Variants in FBXL13 observed in about 807,000 individuals in gnomAD.
The protein encoded by FBXL13 is F-box and leucine rich repeat protein 13.
Under a neutral mutation model 83.6 loss-of-function variants are expected in FBXL13, and 67 were observed. The ratio of observed to expected loss-of-function variants is 0.80; its 90% CI spans 0.66 to 0.98. The LOEUF is 0.98. Among genes scored for constraint, FBXL13 ranks in the 50% least tolerant of loss-of-function variants. The pLI is 0.00. For missense variants in FBXL13, 822 were observed against 866.5 expected (o/e 0.95, Z 0.64); for synonymous variants, 272 against 299.5 (o/e 0.91, Z 0.95).
chr7:103,018,136 T>C (rs1192467997), intron 6 of FBXL13, among the ~76,000 whole-genome samples: 5 of 152,164 alleles, frequency 3.3e-5, no homozygotes, highest in Non-Finnish European at 5.9e-5. Flanking sequence ...TTGGCAGAAA[T>C]TCTACAAGCC....
At chr7:102,953,544 G>A (rs1440568583) in intron 8 of FBXL13, among the ~76,000 whole-genome samples, 3 of 152,112 alleles carry the variant, frequency 2.0e-5, no homozygotes, top group South Asian at 2.1e-4. Context: ...AGAAAAAAAA[G>A]GGAGAATGGG....
chr7:103,062,674 C>T (rs1460894207), intron 1 of FBXL13, among the ~76,000 whole-genome samples: 1 of 151,582 alleles, frequency 6.6e-6, no homozygotes, highest in Non-Finnish European at 1.5e-5. Flanking sequence ...ATATCTTCAT[C>T]TCTATTTCTC....
chr7:102,954,838 A>G (rs1029789349), intron 8 of FBXL13, among the ~76,000 whole-genome samples: 2 of 152,178 alleles, frequency 1.3e-5, no homozygotes, highest in Non-Finnish European at 2.9e-5. Context: ...ACAAGAAAAG[A>G]TAACTATCCT....
intron 6 of FBXL13, among the ~76,000 whole-genome samples, chr7:102,973,977 G>A (rs1418104756): frequency 1.3e-5 from 2 of 152,126 alleles, no homozygotes; most frequent in African/African-American, 4.8e-5. Flanking sequence ...TCCTTTCATC[G>A]TCTCCCTCCA....
chr7:103,041,814 A>G lies in FBXL13; in HGVS notation c.1-12396T>C, dbSNP rs566519486. 4.6e-5 allele frequency among the ~76,000 whole-genome samples: 7 copies of G among 152,318 alleles called. No individual in the cohort carries two copies. In the South Asian group the frequency reaches 1.0e-3, roughly 23 times the overall value. On this transcript the variant is annotated intron_variant, in intron 2 of 19. Coordinates refer to ENST00000313221, the Ensembl canonical transcript of FBXL13. Reference sequence around the variant, plus strand: ...CTCTCAATAAACTAGGTATTGATGGAACATATCTCAAAATAATAAGAGCTA... The same window carrying G: ...CTCTCAATAAACTAGGTATTGATGGGACATATCTCAAAATAATAAGAGCTA...
Position 102,900,568 on chromosome 7 carries a change from C to T in FBXL13, c.1008+12518G>A, listed in dbSNP as rs184878623. On this transcript the variant is annotated intron_variant, in intron 11 of 19. Coordinates refer to ENST00000313221, the Ensembl canonical transcript of FBXL13. ...TTCCTTCTATGAAGCTATTTTTGTACTACACCCAGAGCTGAAGAGGTAGAT... is the reference window on the plus strand; with the variant it reads ...TTCCTTCTATGAAGCTATTTTTGTATTACACCCAGAGCTGAAGAGGTAGAT... Among the ~76,000 whole-genome samples, 274 of 152,302 alleles carry T rather than the reference C, an allele frequency of 1.8e-3. 2 individuals carry two copies. The highest frequency in any genetic ancestry group is 0.017 in the Middle Eastern group (5 of 294).
At chr7:102,841,956 A>C (rs1803016339) in intron 17 of FBXL13, among the ~76,000 whole-genome samples, 1 of 152,166 alleles carries the variant, frequency 6.6e-6, no homozygotes, top group African/African-American at 2.4e-5. Context: ...ACTACCCTTC[A>C]TTCTACCAGA....
intron 17 of FBXL13, among the ~76,000 whole-genome samples, chr7:102,852,399 A>G (rs1158674713): frequency 1.3e-5 from 2 of 152,236 alleles, no homozygotes; most frequent in Non-Finnish European, 2.9e-5. Flanking sequence ...TAAACAGACA[A>G]TGCACAGAGT....
intron 8 of FBXL13, among the ~76,000 whole-genome samples, chr7:102,937,707 G>A (rs1820605730): frequency 1.3e-5 from 2 of 152,150 alleles, no homozygotes; most frequent in South Asian, 4.1e-4. Flanking sequence ...ACAGAGCCAT[G>A]TGCTTTAGAT....
intron 9 of FBXL13, among the ~76,000 whole-genome samples, chr7:102,928,116 C>T (rs550087951): frequency 2.2e-4 from 33 of 152,298 alleles, no homozygotes; most frequent in African/African-American, 7.2e-4. Flanking sequence ...CCATTCTTTG[C>T]ATTTTCCTGT....
chr7:102,991,196 A>T (rs796508767), intron 6 of FBXL13, among the ~76,000 whole-genome samples: 8 of 152,346 alleles, frequency 5.3e-5, no homozygotes, highest in African/African-American at 1.9e-4. Context: ...AGGGGGTAAA[A>T]GAGAGAAGTC....
intron 6 of FBXL13, among the ~76,000 whole-genome samples, chr7:103,012,173 C>G (rs954472716): frequency 5.3e-5 from 8 of 152,014 alleles, no homozygotes; most frequent in Admixed American, 2.0e-4. Context: ...GTCAGGAGTT[C>G]GAGACTAGCC....
intron 17 of FBXL13, among the ~76,000 whole-genome samples, chr7:102,835,602 TG>T (rs1363412503): frequency 4.6e-5 from 5 of 109,566 alleles, no homozygotes; most frequent in Non-Finnish European, 9.3e-5. Flanking sequence ...AAGGTGACAT[TG>T]TTTTTTTTTT....
In FBXL13 at chr7:102,926,984, C is replaced by T. The variant is rs78654011; in HGVS notation, c.778-610G>A. On this transcript the variant is annotated intron_variant, in intron 9 of 19. Coordinates refer to ENST00000313221, the Ensembl canonical transcript of FBXL13. ...TACCAGTTGGGCAGGAGATTCAATG[C>T]TGGGAGTAGGGTGGGGGAGGATCTC... Among the ~76,000 whole-genome samples the T allele has an allele frequency of 3.7e-3, 567 of 152,166 alleles. 5 individuals carry two copies. The highest frequency in any genetic ancestry group is 0.013 in the African/African-American group (560 of 41,510).
chr7:102,971,137 T>G (rs1196037535), intron 6 of FBXL13, among the ~76,000 whole-genome samples: 2 of 152,206 alleles, frequency 1.3e-5, no homozygotes, highest in Non-Finnish European at 1.5e-5. Context: ...AATGGCATTA[T>G]AAGTGAAACT....
At chr7:102,929,617 T>A (rs925949728) in intron 9 of FBXL13, among the ~76,000 whole-genome samples, 1 of 134,956 alleles carries the variant, frequency 7.4e-6, no homozygotes. Flanking sequence ...TGAGCCACGA[T>A]GGCACCACTG....
intron 17 of FBXL13, among the ~76,000 whole-genome samples, chr7:102,838,818 T>C (rs1228496257): frequency 1.3e-5 from 2 of 152,194 alleles, no homozygotes; most frequent in East Asian, 3.9e-4. Context: ...CATAGGGACC[T>C]CTGCCCTGGA....
At chr7:102,825,057 A>G (rs1799394609) in intron 18 of FBXL13, among the ~76,000 whole-genome samples, 1 of 152,058 alleles carries the variant, frequency 6.6e-6, no homozygotes, top group Non-Finnish European at 1.5e-5. Flanking sequence ...ATTTCTGGTC[A>G]TTTCCGTTGT....
At chr7:102,864,627 C>T in intron 16 of FBXL13, among the ~76,000 whole-genome samples, 1 of 152,124 alleles carries the variant, frequency 6.6e-6, no homozygotes, top group African/African-American at 2.4e-5. Flanking sequence ...CCTTGACCTC[C>T]CAAAGTGCTG....
Sources: allele counts gnomAD v4.1 joint callset (sites outside exome capture counted in the v4.1 genomes callset), GRCh38; gene constraint gnomAD v4.1.1; transcripts MANE v1.5; gene names NCBI Gene and HGNC (gene_info 2026-07-23, HGNC 2026-07-21).